The following ZNF423 variants were observed in gnomAD, a reference collection of about 807,000 sequenced individuals.
ZNF423 encodes Ebf-associated zinc finger protein.
A neutral mutation model predicts 95.8 loss-of-function variants in ZNF423; 12 were observed. The ratio of observed to expected loss-of-function variants is 0.13; its 90% CI spans 0.08 to 0.20. The LOEUF (loss-of-function observed/expected upper bound fraction) is 0.20, where lower values mean the gene tolerates loss of function less well. Ranked by LOEUF, ZNF423 falls within the 10% of genes least tolerant of loss-of-function variation. The probability of loss-of-function intolerance (pLI) is 1.00; values close to 1 mark genes in which losing one functional copy is unlikely to be tolerated. For missense variants in ZNF423, 1,316 were observed against 1,737.1 expected, an observed-to-expected ratio of 0.76 and a Z score of 4.31; for synonymous variants, 749 against 711.9, an observed-to-expected ratio of 1.05 and a Z score of -0.83.
chr16:49,790,305 C>G (rs576095821), intron 1 of ZNF423, among the ~76,000 whole-genome samples: 2 of 152,360 alleles, frequency 1.3e-5, no homozygotes, highest in Admixed American at 1.3e-4. Context: ...CAGGCTGAAG[C>G]CACCATGAAC....
Position 49,720,778 on chromosome 16 carries a change from A to T in ZNF423, c.301+9993T>A, listed in dbSNP as rs182297303. ...ATGTAATTCCTACCTCCTAAAGAAG[A>T]TGTCTGTGGCTCCTGACCACCATTC... is the stretch of plus-strand genomic sequence containing the variant. On this transcript the variant is annotated intron_variant, in intron 3 of 7. Coordinates refer to ENST00000563137, the MANE Select transcript of ZNF423 (RefSeq NM_001379286.1). Among the ~76,000 whole-genome samples, 9 of 152,286 alleles carry T rather than the reference A, an allele frequency of 5.9e-5. No individual in the cohort carries two copies. In the East Asian group the frequency reaches 1.7e-3, roughly 29 times the overall value.
intron 5 of ZNF423, among the ~76,000 whole-genome samples, chr16:49,553,632 TCGC>T (rs1023937558): frequency 6.6e-6 from 1 of 152,008 alleles, no homozygotes; most frequent in African/African-American, 2.4e-5. Flanking sequence ...CAGGCATGTG[TCGC>T]CGAGCCTGGC....
At chr16:49,753,162 T>G (rs1389399797) in intron 2 of ZNF423, among the ~76,000 whole-genome samples, 1 of 151,896 alleles carries the variant, frequency 6.6e-6, no homozygotes, top group East Asian at 1.9e-4. Flanking sequence ...GAGAATCACT[T>G]GAACCCGGGA....
At chr16:49,823,693 G>T (rs148311963) in intron 1 of ZNF423, among the ~76,000 whole-genome samples, 126 of 152,288 alleles carry the variant, frequency 8.3e-4, no homozygotes, top group African/African-American at 2.9e-3. Context: ...GTAAGAGGAA[G>T]GTTGGGTAAT....
At position 49,623,370 on chromosome 16, in the gene ZNF423, G is replaced by C. The variant is rs1179218518; in HGVS notation, c.3601+2800C>G. Among the ~76,000 whole-genome samples, 3 of 152,154 alleles carry C rather than the reference G, an allele frequency of 2.0e-5. No homozygotes were observed. The South Asian group carries it at 6.2e-4, about 32-fold the overall frequency. ...TTGTGTTTCCCACAACTCTAGTTAA[G>C]AGCAACCCCCTTGCCTTGCACTTGA... On this transcript the variant is annotated intron_variant, in intron 5 of 7. Transcript: ENST00000563137.
At chr16:49,854,596 TC>T in intron 1 of ZNF423, 1 of 985,346 alleles carries the variant, frequency 1.0e-6, no homozygotes, top group South Asian at 4.7e-5. Context: ...GTTCCCCCCT[TC>T]CTCGATCATC....
At chr16:49,604,119 A>C (rs1424963574) in intron 5 of ZNF423, among the ~76,000 whole-genome samples, 1 of 152,204 alleles carries the variant, frequency 6.6e-6, no homozygotes, top group African/African-American at 2.4e-5. Context: ...GCCAGATAAT[A>C]TGCACAAGCA....
chr16:49,736,182 G>A (rs892059538), intron 2 of ZNF423, among the ~76,000 whole-genome samples: 10 of 152,248 alleles, frequency 6.6e-5, no homozygotes, highest in African/African-American at 2.4e-4. Flanking sequence ...GGTAGAGGCA[G>A]AAGGAGGGGA....
chr16:49,645,949 C>G (rs150620455), intron 3 of ZNF423, among the ~76,000 whole-genome samples: 75 of 152,334 alleles, frequency 4.9e-4, no homozygotes, highest in Non-Finnish European at 9.3e-4. Context: ...GCCTTCCCAG[C>G]CATGCACAAC....
intron 2 of ZNF423, among the ~76,000 whole-genome samples, chr16:49,751,589 C>CA (rs1318333781): frequency 6.6e-6 from 1 of 152,222 alleles, no homozygotes; most frequent in Non-Finnish European, 1.5e-5. Flanking sequence ...TACCCAGCTC[C>CA]ATGCAAAGTG....
chr16:49,557,192 C>T (rs896824912), intron 5 of ZNF423, among the ~76,000 whole-genome samples: 1 of 152,206 alleles, frequency 6.6e-6, no homozygotes, highest in Non-Finnish European at 1.5e-5. Context: ...CTAATCTTAC[C>T]AACTGCACGC....
chr16:49,814,404 G>A (rs922044796), intron 1 of ZNF423, among the ~76,000 whole-genome samples: 5 of 151,856 alleles, frequency 3.3e-5, no homozygotes, highest in Non-Finnish European at 7.4e-5. Flanking sequence ...AGGATAGACT[G>A]CACCTGCCCT....
chr16:49,632,833 C>T (rs1259985481), intron 4 of ZNF423, among the ~76,000 whole-genome samples: 2 of 152,212 alleles, frequency 1.3e-5, no homozygotes, highest in Admixed American at 6.5e-5. Context: ...GAGGCTCACA[C>T]AGCCCAAGGC....
chr16:49,517,987 T>G (rs189381703), intron 7 of ZNF423: 36 of 453,278 alleles, frequency 7.9e-5, no homozygotes, highest in African/African-American at 6.8e-4. Flanking sequence ...CAAGGTACAC[T>G]TTTTTCTACC....
chr16:49,675,944 C>T (rs1314905989), intron 3 of ZNF423, among the ~76,000 whole-genome samples: 1 of 152,202 alleles, frequency 6.6e-6, no homozygotes, highest in Non-Finnish European at 1.5e-5. Flanking sequence ...TGTGCAACAT[C>T]CACGCACACA....
At chr16:49,848,982 G>A (rs1334565479) in intron 1 of ZNF423, among the ~76,000 whole-genome samples, 1 of 152,202 alleles carries the variant, frequency 6.6e-6, no homozygotes, top group Non-Finnish European at 1.5e-5. Context: ...GGGAGGGACA[G>A]AAGATAGGGG....
chr16:49,527,118 C>A (rs1968639939), intron 5 of ZNF423, among the ~76,000 whole-genome samples: 1 of 152,142 alleles, frequency 6.6e-6, no homozygotes, highest in Non-Finnish European at 1.5e-5. Flanking sequence ...AGCAGGCATT[C>A]CCCCTGGCCC....
rs570339640 is a variant in ZNF423 at position 49,627,726 on chromosome 16, T to C, written c.3517-1472A>G. On this transcript the variant is annotated intron_variant, in intron 4 of 7. Coordinates refer to ENST00000563137, the MANE Select transcript of ZNF423 (RefSeq NM_001379286.1). The stretch of plus-strand genomic sequence containing the variant: ...ACCCATCCATCCATCCATCCATCCA[T>C]CTTCTATCTACCCGCCCATCCATCT... Among the ~76,000 whole-genome samples the C allele has an allele frequency of 5.9e-5, 8 of 135,736 alleles. No homozygotes were observed. In the East Asian group the frequency reaches 2.0e-3, roughly 35 times the overall value. 89.0% of individuals were successfully genotyped at this position (135,736 alleles called of 152,430 possible).
At position 49,491,222 on chromosome 16, in the gene ZNF423, C is replaced by G. The variant is rs1457490686; in HGVS notation, c.*53G>C. 4.3e-6 allele frequency: 7 copies of G among 1,612,274 alleles called. No homozygotes were observed. The African/African-American group carries it at 9.3e-5, about 22-fold the overall frequency. On this transcript the variant is annotated 3_prime_UTR_variant, in exon 8 of 8. Coordinates refer to ENST00000563137, the MANE Select transcript of ZNF423 (RefSeq NM_001379286.1). ...GGATGTAATGTTCAAATGGCCCTCC[C>G]CACGGCGTCTCCGGCAAGCCTTCTG...
Sources: allele counts gnomAD v4.1 joint callset (sites outside exome capture counted in the v4.1 genomes callset), GRCh38; gene constraint gnomAD v4.1.1; transcripts MANE v1.5; gene names NCBI Gene and HGNC (gene_info 2026-07-23, HGNC 2026-07-21).